SLC13A3: variants seen among roughly 807,000 people sequenced by gnomAD.
The protein encoded by SLC13A3 is Na(+)/dicarboxylate cotransporter 3.
In SLC13A3, 40 loss-of-function variants were observed where a neutral mutation model predicts 59.0. The ratio of observed to expected loss-of-function variants is 0.68; its 90% CI spans 0.53 to 0.88. The LOEUF is 0.88. Ranked by LOEUF, SLC13A3 falls within the 40% of genes least tolerant of loss-of-function variation. The pLI, the probability that SLC13A3 is intolerant of heterozygous loss-of-function variation, is 0.00. For missense variants in SLC13A3, 699 were observed against 783.2 expected (o/e 0.89, Z 1.28); for synonymous variants, 317 against 330.3 (o/e 0.96, Z 0.44).
At chr20:46,671,569 G>A (rs2063092126), upstream of SLC13A3, among the ~76,000 whole-genome samples, 1 of 152,126 alleles carries the variant, frequency 6.6e-6, no homozygotes, top group Non-Finnish European at 1.5e-5. Flanking sequence ...AAATCACAGT[G>A]TGGGTTCTCT....
intron 10 of SLC13A3, 35 bp from the exon 11 acceptor site, chr20:46,566,425 C>A: frequency 6.3e-7 from 1 of 1,591,454 alleles, no homozygotes; most frequent in Non-Finnish European, 8.6e-7. Context: ...ATACCCCAGC[C>A]CATCCCCAGC....
chr20:46,645,712 G>C (rs11699754), intron 1 of SLC13A3, among the ~76,000 whole-genome samples: 8,192 of 152,120 alleles, frequency 0.054, 305 homozygotes, highest in Middle Eastern at 0.088. Flanking sequence ...ACAAAGAGAG[G>C]GCAGATCGCA....
At chr20:46,561,720 C>T (rs6124813) in intron 12 of SLC13A3, among the ~76,000 whole-genome samples, 15,054 of 150,794 alleles carry the variant, frequency 0.1, 890 homozygotes, top group Non-Finnish European at 0.14. Flanking sequence ...TTACCACGGA[C>T]GGGTGGGGGA....
intron 1 of SLC13A3, among the ~76,000 whole-genome samples, chr20:46,618,393 A>C (rs1295555371): frequency 1.3e-5 from 2 of 152,234 alleles, no homozygotes; most frequent in African/African-American, 2.4e-5. Context: ...TGTGTCAGCC[A>C]GTGGGGTCTG....
chr20:46,653,547 G>A (rs2062966184), upstream of SLC13A3, among the ~76,000 whole-genome samples: 1 of 152,116 alleles, frequency 6.6e-6, no homozygotes, highest in African/African-American at 2.4e-5. Flanking sequence ...AACAAAATAA[G>A]GCAGGTTGGA....
chr20:46,634,500 C>A (rs1423672521), intron 1 of SLC13A3, among the ~76,000 whole-genome samples: 1 of 152,192 alleles, frequency 6.6e-6, no homozygotes, highest in Admixed American at 6.5e-5. Context: ...GGGCAGCAAA[C>A]CTGCCCCAGG....
intron 5 of SLC13A3, 103 bp from the exon 6 acceptor site, chr20:46,592,632 G>T: frequency 1.7e-6 from 2 of 1,166,108 alleles, no homozygotes; most frequent in Non-Finnish European, 2.5e-6. Flanking sequence ...GAGGAGGAAT[G>T]AGAGGGTCCC....
intron 10 of SLC13A3, among the ~76,000 whole-genome samples, chr20:46,569,777 G>T (rs898884894): frequency 6.6e-6 from 1 of 152,178 alleles, no homozygotes; most frequent in Non-Finnish European, 1.5e-5. Context: ...AAAAATGGGA[G>T]GTGGGGAGAT....
At chr20:46,582,808 C>T in intron 9 of SLC13A3, 7 of 985,424 alleles carry the variant, frequency 7.1e-6, no homozygotes, top group Non-Finnish European at 8.4e-6. Flanking sequence ...GCTCATCCAA[C>T]TGACCCAGGT....
chr20:46,660,467 A>T (rs139203090), intron 1 of SLC13A3, among the ~76,000 whole-genome samples: 137 of 152,062 alleles, frequency 9.0e-4, no homozygotes, highest in African/African-American at 3.2e-3. Flanking sequence ...CATATCATTG[A>T]TCCCCTGTAA....
At chr20:46,673,324 A>C (rs1471143601), upstream of SLC13A3, among the ~76,000 whole-genome samples, 1 of 152,204 alleles carries the variant, frequency 6.6e-6, no homozygotes, top group African/African-American at 2.4e-5. Context: ...TCATCAGCCC[A>C]GTTATGGAGG....
At chr20:46,622,630 G>A (rs1333521461) in intron 1 of SLC13A3, among the ~76,000 whole-genome samples, 2 of 48,920 alleles carry the variant, frequency 4.1e-5, no homozygotes, top group Non-Finnish European at 7.1e-5. Flanking sequence ...GCGTGTGTGT[G>A]TGTGTGTGTG....
chr20:46,602,024 C>A (rs564788320), intron 3 of SLC13A3, among the ~76,000 whole-genome samples: 1 of 152,104 alleles, frequency 6.6e-6, no homozygotes, highest in African/African-American at 2.4e-5. Flanking sequence ...AGGACAGGAG[C>A]TAACTTTGTT....
intron 12 of SLC13A3, 36 bp from the exon 13 acceptor site, chr20:46,560,234 C>T (rs769007589): frequency 3.2e-6 from 5 of 1,584,814 alleles, no homozygotes; most frequent in East Asian, 2.2e-5. Flanking sequence ...GGGGTCAGCA[C>T]CTGACCCACC....
At position 46,585,592 on chromosome 20, in the gene SLC13A3, A is replaced by G. The variant is rs557746193; in HGVS notation, c.1122-1923T>C. The stretch of plus-strand genomic sequence containing the variant: ...TTAACAAGTCTTGACAAATGTATGC[A>G]GTCCGATAACAGCGTGATCACAATG... On this transcript the variant is annotated intron_variant, in intron 8 of 12. Coordinates refer to ENST00000279027, the MANE Select transcript of SLC13A3 (RefSeq NM_022829.6). The G allele has an allele frequency of 6.7e-4, 776 of 1,155,726 alleles. 3 individuals carry two copies. The highest frequency in any genetic ancestry group is 2.8e-3 in the South Asian group (157 of 56,366). 71.6% of individuals were successfully genotyped at this position (1,155,726 alleles called of 1,614,324 possible).
intron 11 of SLC13A3, 141 bp from the exon 12 acceptor site, chr20:46,563,692 T>C (rs1232403307): frequency 1.6e-5 from 14 of 884,786 alleles, no homozygotes; most frequent in South Asian, 2.0e-5. Context: ...TCCATAGAGA[T>C]TGGCAGAGTG....
chr20:46,585,755 A>G, intron 8 of SLC13A3: 1 of 1,294,446 alleles, frequency 7.7e-7, no homozygotes, highest in Non-Finnish European at 1.0e-6. Flanking sequence ...TGAAAAAAAT[A>G]AAGCATCTAC....
At chr20:46,572,765 C>A (rs976490025) in intron 10 of SLC13A3, among the ~76,000 whole-genome samples, 3 of 152,104 alleles carry the variant, frequency 2.0e-5, no homozygotes, top group Non-Finnish European at 4.4e-5. Flanking sequence ...CGTTGTGATT[C>A]CAATTTTACA....
intron 3 of SLC13A3, among the ~76,000 whole-genome samples, chr20:46,606,465 C>G (rs2062438244): frequency 6.6e-6 from 1 of 152,158 alleles, no homozygotes. Context: ...CATCCTGGGC[C>G]TTCCTATAAA....
Sources: allele counts gnomAD v4.1 joint callset (sites outside exome capture counted in the v4.1 genomes callset), GRCh38; gene constraint gnomAD v4.1.1; transcripts MANE v1.5; gene names NCBI Gene and HGNC (gene_info 2026-07-23, HGNC 2026-07-21).